The following RSRC1 variants were observed in gnomAD, a reference collection of about 807,000 sequenced individuals.
The protein encoded by RSRC1 is serine/Arginine-related protein 53.
Under a neutral mutation model 49.1 loss-of-function variants are expected in RSRC1, and 39 were observed. The ratio of observed to expected loss-of-function variants is 0.79; its 90% CI spans 0.61 to 1.04. RSRC1 has a LOEUF of 1.04. Among genes scored for constraint, RSRC1 ranks in the 50% least tolerant of loss-of-function variants. The pLI, the probability that RSRC1 is intolerant of heterozygous loss-of-function variation, is 0.00. For synonymous variants in RSRC1, 143 were observed against 130.8 expected (o/e 1.09, Z -0.63); for missense variants, 388 against 402.4 (o/e 0.96, Z 0.31).
At chr3:158,276,394 GC>G in intron 4 of RSRC1, 2 of 774,442 alleles carry the variant, frequency 2.6e-6, no homozygotes, top group Non-Finnish European at 4.7e-6. Context: ...TTTCTCCATA[GC>G]TCCTGGATGT....
At chr3:158,525,785 T>C (rs953173461) in intron 7 of RSRC1, among the ~76,000 whole-genome samples, 2 of 151,866 alleles carry the variant, frequency 1.3e-5, no homozygotes, top group African/African-American at 4.8e-5. Flanking sequence ...GTGAAAGACA[T>C]CAGATATAAA....
intron 4 of RSRC1, among the ~76,000 whole-genome samples, chr3:158,284,291 A>G (rs1250649533): frequency 6.6e-6 from 1 of 151,678 alleles, no homozygotes; most frequent in African/African-American, 2.4e-5. Context: ...CCAGTCTATC[A>G]TTGTTGGACA....
At position 158,543,407 on chromosome 3, in the gene RSRC1, A is replaced by G. The variant is rs745584133; in HGVS notation, c.832A>G (p.Ser278Gly). 1.9e-5 allele frequency: 31 copies of G among 1,610,970 alleles called. No individual in the cohort carries two copies. The highest frequency in any genetic ancestry group is 2.5e-5 in the Non-Finnish European group (30 of 1,178,654). ...GPASAVADPP[S>G]TEKEIDPTSI... The stretch of plus-strand genomic sequence containing the variant: ...AGCATCAGCAGTTGCTGATCCACCC[A>G]GTACTGAAAAAGAAATAGATCCTAC... The change falls in exon 9 of 10, where the codon AGT becomes GGT. Residue 278 changes from serine to glycine, a missense_variant. Physicochemically the swap from Ser to Gly is moderately conservative, Grantham distance 56. Coordinates refer to ENST00000611884, the MANE Select transcript of RSRC1 (RefSeq NM_001271838.2).
chr3:158,322,654 T>C (rs1175419780), intron 5 of RSRC1, among the ~76,000 whole-genome samples: 1 of 152,198 alleles, frequency 6.6e-6, no homozygotes, highest in Non-Finnish European at 1.5e-5. Context: ...AGATTTGATA[T>C]TTTTGGCCAT....
chr3:158,166,298 A>G (rs1214721918), intron 3 of RSRC1, among the ~76,000 whole-genome samples: 1 of 152,172 alleles, frequency 6.6e-6, no homozygotes, highest in Non-Finnish European at 1.5e-5. Context: ...AAAGTTTTTT[A>G]ATCATATGAT....
At chr3:158,163,897 A>AAATG (rs1008603712) in intron 3 of RSRC1, among the ~76,000 whole-genome samples, 3 of 152,256 alleles carry the variant, frequency 2.0e-5, no homozygotes, top group Admixed American at 1.3e-4. Flanking sequence ...GTAGAAGAAT[A>AAATG]AATGAATGAA....
intron 6 of RSRC1, among the ~76,000 whole-genome samples, chr3:158,425,961 G>C (rs888311499): frequency 6.6e-5 from 10 of 151,662 alleles, no homozygotes; most frequent in African/African-American, 2.4e-4. Context: ...GTCATCAATA[G>C]GAAGCAATAG....
chr3:158,359,734 T>A (rs904384631), intron 6 of RSRC1, among the ~76,000 whole-genome samples: 5 of 152,196 alleles, frequency 3.3e-5, no homozygotes, highest in Admixed American at 6.5e-5. Context: ...GCCTGCAACA[T>A]GGTGAGCAAG....
intron 6 of RSRC1, among the ~76,000 whole-genome samples, chr3:158,383,571 A>G (rs927664518): frequency 6.6e-6 from 1 of 152,164 alleles, no homozygotes; most frequent in Non-Finnish European, 1.5e-5. Context: ...GGTGCCATGC[A>G]TATACTTTTA....
At chr3:158,304,835 A>G (rs1727751449) in intron 5 of RSRC1, among the ~76,000 whole-genome samples, 2 of 152,174 alleles carry the variant, frequency 1.3e-5, no homozygotes, top group Non-Finnish European at 2.9e-5. Context: ...TCTTTCTACA[A>G]GACCAATTCC....
At position 158,143,551 on chromosome 3, in the gene RSRC1, G is replaced by T. The variant is rs965309158; in HGVS notation, c.320+19560G>T. On this transcript the variant is annotated intron_variant, in intron 3 of 9. Coordinates refer to ENST00000611884, the MANE Select transcript of RSRC1 (RefSeq NM_001271838.2). The stretch of plus-strand genomic sequence containing the variant: ...ATTGTTTAAATTCTTAGAAATCAAG[G>T]ATTGTATATGACTAGGTTCATGTCT... Among the ~76,000 whole-genome samples the T allele has an allele frequency of 2.6e-5, 4 of 151,986 alleles. No homozygotes were observed. In the East Asian group the frequency reaches 5.8e-4, roughly 22 times the overall value.
At chr3:158,451,109 T>C (rs951881551) in intron 6 of RSRC1, among the ~76,000 whole-genome samples, 5 of 151,880 alleles carry the variant, frequency 3.3e-5, no homozygotes, top group African/African-American at 1.2e-4. Context: ...CACTCCTTAG[T>C]CCAGAATAAT....
chr3:158,235,862 C>T (rs1215660640), intron 4 of RSRC1, among the ~76,000 whole-genome samples: 4 of 152,204 alleles, frequency 2.6e-5, no homozygotes, highest in Non-Finnish European at 4.4e-5. Context: ...TCATGCCTAT[C>T]ATCCCAGCAC....
intron 4 of RSRC1, among the ~76,000 whole-genome samples, chr3:158,231,137 CTTTTTTTTTTTTTTTTTT>C (rs35368661): frequency 4.4e-5 from 3 of 67,960 alleles, no homozygotes; most frequent in African/African-American, 6.1e-5. Flanking sequence ...TAGTCGTTAG[CTTTTTTTTTTTTTTTTTT>C]TTTTTTTGAG....
At chr3:158,461,663 T>G (rs546060382) in intron 7 of RSRC1, among the ~76,000 whole-genome samples, 1 of 151,986 alleles carries the variant, frequency 6.6e-6, no homozygotes, top group African/African-American at 2.4e-5. Context: ...AAAGCAAGAT[T>G]CAGGCAAATC....
At chr3:158,442,422 G>A (rs1484067656) in intron 6 of RSRC1, among the ~76,000 whole-genome samples, 1 of 152,016 alleles carries the variant, frequency 6.6e-6, no homozygotes. Context: ...ATCTTTAACA[G>A]GAGTATATTC....
chr3:158,280,054 C>T (rs1726054253), intron 4 of RSRC1, among the ~76,000 whole-genome samples: 1 of 152,136 alleles, frequency 6.6e-6, no homozygotes, highest in Non-Finnish European at 1.5e-5. Flanking sequence ...GCTCTGTTGC[C>T]ACTATCACAG....
At chr3:158,499,260 C>T (rs1399285479) in intron 7 of RSRC1, among the ~76,000 whole-genome samples, 1 of 152,036 alleles carries the variant, frequency 6.6e-6, no homozygotes, top group African/African-American at 2.4e-5. Context: ...GCCTGTAATC[C>T]CAGCTACTCG....
chr3:158,118,783 A>G (rs1715047906), intron 1 of RSRC1, among the ~76,000 whole-genome samples: 1 of 152,230 alleles, frequency 6.6e-6, no homozygotes, highest in Admixed American at 6.5e-5. Context: ...TGTAACCTGT[A>G]TTTAAGGTTT....
Sources: gnomAD v4.1 joint callset for allele counts (sites outside exome capture counted in the v4.1 genomes callset) on GRCh38, gnomAD v4.1.1 for gene constraint, MANE v1.5 for transcripts, NCBI Gene and HGNC (gene_info 2026-07-23, HGNC 2026-07-21) for gene names.